GLRB: variants seen among roughly 807,000 people sequenced by gnomAD.
GLRB encodes the protein glycine receptor subunit beta.
Under a neutral mutation model 54.2 loss-of-function variants are expected in GLRB, and 33 were observed. The ratio of observed to expected loss-of-function variants is 0.61; its 90% CI spans 0.46 to 0.81. GLRB has a LOEUF of 0.81. Among genes scored for constraint, GLRB ranks in the 40% least tolerant of loss-of-function variants. The pLI is 0.00. For missense variants in GLRB, 572 were observed against 584.6 expected, an observed-to-expected ratio of 0.98 and a Z score of 0.22; for synonymous variants, 209 against 208.2, an observed-to-expected ratio of 1.00 and a Z score of -0.03.
intron 2 of GLRB, among the ~76,000 whole-genome samples, chr4:157,120,137 A>G (rs1431734913): frequency 2.0e-5 from 3 of 150,898 alleles, no homozygotes; most frequent in African/African-American, 7.3e-5. Context: ...GCAAGAACAA[A>G]AAACCAAACA....
intron 1 of GLRB, among the ~76,000 whole-genome samples, chr4:157,076,972 T>TGG (rs35126594): frequency 0.011 from 156 of 14,340 alleles, 1 homozygote; most frequent in Middle Eastern, 0.038. Context: ...GGAAGAATCC[T>TGG]GGGGGGGGGG....
At chr4:157,139,716 A>G (rs1736540557) in intron 7 of GLRB, among the ~76,000 whole-genome samples, 1 of 152,062 alleles carries the variant, frequency 6.6e-6, no homozygotes, top group South Asian at 2.1e-4. Flanking sequence ...AATAATAATC[A>G]GTTCAACATG....
intron 4 of GLRB, among the ~76,000 whole-genome samples, chr4:157,133,808 C>A (rs1483927224): frequency 6.6e-6 from 1 of 151,860 alleles, no homozygotes; most frequent in Non-Finnish European, 1.5e-5. Context: ...ATAAAAAATA[C>A]AAATGTATTC....
chr4:157,116,508 C>T (rs1560951261), intron 2 of GLRB, among the ~76,000 whole-genome samples: 1 of 151,634 alleles, frequency 6.6e-6, no homozygotes, highest in Non-Finnish European at 1.5e-5. Context: ...AATCACTTAA[C>T]TCTCCTTTTT....
At chr4:157,126,407 A>G (rs1736017585) in intron 4 of GLRB, among the ~76,000 whole-genome samples, 1 of 151,736 alleles carries the variant, frequency 6.6e-6, no homozygotes, top group African/African-American at 2.4e-5. Context: ...GTGAAGCTTT[A>G]TAGTTCCTAT....
At chr4:157,161,707 G>C (rs1183751551) in intron 9 of GLRB, among the ~76,000 whole-genome samples, 1 of 152,206 alleles carries the variant, frequency 6.6e-6, no homozygotes, top group African/African-American at 2.4e-5. Context: ...TCCGCTGTTA[G>C]TCTGATGGGC....
At position 157,097,979 on chromosome 4, in the gene GLRB, C is replaced by A. The variant is rs1734875438; in HGVS notation, c.122+19833C>A. On this transcript the variant is annotated intron_variant, in intron 2 of 9. Transcript: ENST00000264428. Reference sequence around the variant, plus strand: ...GAGGTTGCAGTGAGCCGAGATCCTGCCACTGCTTTCCAGCCTGGGGGACAA... The same window carrying A: ...GAGGTTGCAGTGAGCCGAGATCCTGACACTGCTTTCCAGCCTGGGGGACAA... 2.0e-5 allele frequency among the ~76,000 whole-genome samples: 3 copies of A among 152,126 alleles called. No homozygotes were observed. The South Asian group carries it at 6.2e-4, about 32-fold the overall frequency.
At chr4:157,166,094 G>A (rs146792704) in intron 9 of GLRB, among the ~76,000 whole-genome samples, 4,450 of 151,782 alleles carry the variant, frequency 0.029, 89 homozygotes, top group Non-Finnish European at 0.048. Context: ...AAATCTTAGA[G>A]GCTAAAGTTG....
chr4:157,110,782 A>G (rs1172108108), intron 2 of GLRB, among the ~76,000 whole-genome samples: 1 of 151,968 alleles, frequency 6.6e-6, no homozygotes, highest in Non-Finnish European at 1.5e-5. Flanking sequence ...GACCTTCACC[A>G]TTCAACCTGG....
chr4:157,153,079 T>C, intron 9 of GLRB, 69 bp downstream of exon 9: 2 of 1,303,208 alleles, frequency 1.5e-6, no homozygotes, highest in Non-Finnish European at 1.1e-6. Flanking sequence ...AGAGACACCT[T>C]TGTGTATGTG....
chr4:157,150,022 G>A (rs2126596461), intron 8 of GLRB, among the ~76,000 whole-genome samples: 1 of 152,086 alleles, frequency 6.6e-6, no homozygotes, highest in South Asian at 2.1e-4. Flanking sequence ...AATCATAGAG[G>A]TTACTGTATA....
At position 157,123,535 on chromosome 4, in the gene GLRB, T is replaced by C. The variant is rs1735908185; in HGVS notation, c.297+1138T>C. On this transcript the variant is annotated intron_variant, in intron 4 of 9. Transcript: ENST00000264428. Reference sequence around the variant, plus strand: ...AGAATTACTTAAAAGATTTGGGGATTATGTCCAAAATTCACTTCCAGTGAC... The same window carrying C: ...AGAATTACTTAAAAGATTTGGGGATCATGTCCAAAATTCACTTCCAGTGAC... 1.3e-5 allele frequency among the ~76,000 whole-genome samples: 2 copies of C among 151,822 alleles called. 1 individual carries two copies. Among genetic ancestry groups the C allele is most frequent in the South Asian group, 4.1e-4 (2 of 4,836 alleles).
intron 9 of GLRB, 32 bp downstream of exon 9, chr4:157,153,042 C>G: frequency 6.5e-7 from 1 of 1,545,398 alleles, no homozygotes; most frequent in Admixed American, 1.7e-5. Context: ...GAAATCATTT[C>G]CCCCAACCAC....
intron 2 of GLRB, among the ~76,000 whole-genome samples, chr4:157,112,093 TA>T (rs1735440967): frequency 6.6e-6 from 1 of 151,666 alleles, no homozygotes; most frequent in Non-Finnish European, 1.5e-5. Context: ...TTTTTAACCA[TA>T]AACTCTCTTT....
Position 157,134,860 on chromosome 4 carries a change from G to A in GLRB, c.298-1609G>A, listed in dbSNP as rs75209621. On this transcript the variant is annotated intron_variant, in intron 4 of 9. Transcript: ENST00000264428. ...AGGATATGAGAGAGAAATTGTTAAT[G>A]CAATTGGTAGTAGAGTTAATGTTTA... is the stretch of plus-strand genomic sequence containing the variant. Among the ~76,000 whole-genome samples the A allele has an allele frequency of 5.7e-3, 862 of 151,678 alleles. 4 individuals carry two copies. The highest frequency in any genetic ancestry group is 0.017 in the Middle Eastern group (5 of 294).
chr4:157,169,725 T>A (rs1421657474), intron 9 of GLRB, among the ~76,000 whole-genome samples: 3 of 152,156 alleles, frequency 2.0e-5, no homozygotes, highest in African/African-American at 7.2e-5. Flanking sequence ...TTTTATATAT[T>A]ATAGGGAATT....
At chr4:157,104,211 G>A (rs1735140112) in intron 2 of GLRB, among the ~76,000 whole-genome samples, 1 of 152,088 alleles carries the variant, frequency 6.6e-6, no homozygotes, top group African/African-American at 2.4e-5. Context: ...CTTTTATAAT[G>A]TGAAGTAATT....
chr4:157,096,056 G>A (rs1284157078), intron 2 of GLRB, among the ~76,000 whole-genome samples: 3 of 152,150 alleles, frequency 2.0e-5, no homozygotes, highest in African/African-American at 7.2e-5. Context: ...TGGCCAGTTG[G>A]AGAAAAGTCA....
intron 4 of GLRB, among the ~76,000 whole-genome samples, chr4:157,122,604 A>C (rs2126535287): frequency 6.6e-6 from 1 of 151,886 alleles, no homozygotes; most frequent in South Asian, 2.1e-4. Context: ...ATATTGCGTT[A>C]AAACTTACAG....
Sources: gnomAD v4.1 joint callset for allele counts (sites outside exome capture counted in the v4.1 genomes callset) on GRCh38, gnomAD v4.1.1 for gene constraint, MANE v1.5 for transcripts, NCBI Gene and HGNC (gene_info 2026-07-23, HGNC 2026-07-21) for gene names.